FAM133B: variants seen among roughly 807,000 people sequenced by gnomAD.
FAM133B encodes protein FAM133B.
A neutral mutation model predicts 46.4 loss-of-function variants in FAM133B; 25 were observed. That is an observed-to-expected ratio of 0.54 (90% CI 0.39 to 0.75). The LOEUF is 0.75. Among genes scored for constraint, FAM133B ranks in the 30% least tolerant of loss-of-function variants. The probability of loss-of-function intolerance (pLI) is 0.00; values close to 1 mark genes in which losing one functional copy is unlikely to be tolerated. For synonymous variants in FAM133B, 75 were observed against 86.0 expected (o/e 0.87, Z 0.71); for missense variants, 205 against 277.6 (o/e 0.74, Z 1.86).
At chr7:92,582,760 G>A (rs927077022) in intron 1 of FAM133B, among the ~76,000 whole-genome samples, 2 of 152,150 alleles carry the variant, frequency 1.3e-5, no homozygotes, top group African/African-American at 4.8e-5. Context: ...TAGTCATTAG[G>A]GAAATGTAAA....
At chr7:92,581,744 TA>T in intron 1 of FAM133B, 141 bp from the exon 2 acceptor site, 2 of 626,602 alleles carry the variant, frequency 3.2e-6, no homozygotes, top group African/African-American at 1.9e-5. Flanking sequence ...CTCTTTATTC[TA>T]AAAAAATTAA....
At chr7:92,563,955 G>A (rs7777329) in intron 10 of FAM133B, among the ~76,000 whole-genome samples, 38 of 152,272 alleles carry the variant, frequency 2.5e-4, no homozygotes, top group African/African-American at 8.9e-4. Flanking sequence ...CTTATCTCCT[G>A]TACCAAAGGA....
chr7:92,584,319 T>G (rs181645836), intron 1 of FAM133B, among the ~76,000 whole-genome samples: 2 of 152,190 alleles, frequency 1.3e-5, no homozygotes, highest in East Asian at 3.9e-4. Context: ...TAATCCAAAA[T>G]AAGTGAAAGG....
intron 1 of FAM133B, chr7:92,585,387 T>G (rs569221198): frequency 1.6e-4 from 153 of 984,608 alleles, no homozygotes; most frequent in Non-Finnish European, 1.8e-4. Context: ...TGTCATAATT[T>G]TGGCAGTACC....
chr7:92,562,616 T>C (rs1794194262), intron 10 of FAM133B, among the ~76,000 whole-genome samples: 1 of 152,210 alleles, frequency 6.6e-6, no homozygotes, highest in South Asian at 2.1e-4. Flanking sequence ...CTAACAAAAT[T>C]TCCTGTAGGA....
chr7:92,578,900 T>A (rs1023506596), intron 3 of FAM133B, among the ~76,000 whole-genome samples: 84 of 151,780 alleles, frequency 5.5e-4, no homozygotes, highest in African/African-American at 1.8e-3. Context: ...AAAAAAAAAA[T>A]TAGCTGGGCA....
intron 10 of FAM133B, among the ~76,000 whole-genome samples, chr7:92,564,055 G>C (rs764613815): frequency 1.3e-5 from 2 of 152,180 alleles, no homozygotes; most frequent in Non-Finnish European, 2.9e-5. Context: ...ACACTCTGCT[G>C]TGTAATGTAA....
Position 92,577,664 on chromosome 7 carries a change from A to T in FAM133B, c.363T>A (p.Ser121=). The T allele has an allele frequency of 6.3e-7, 1 of 1,581,830 alleles. No individual in the cohort carries two copies. The highest frequency in any genetic ancestry group is 8.6e-7 in the Non-Finnish European group (1 of 1,162,530). ...SSDSSSSSSD[S]EDEDKKQGKR... is the part of the protein sequence containing the mutation. ...TATAAGCAAACCTTACCTCATCTTCAGAATCAGAAGAACTGCTGGAAGAAT... is the reference window on the plus strand; with the variant it reads ...TATAAGCAAACCTTACCTCATCTTCTGAATCAGAAGAACTGCTGGAAGAAT... Residue 121 remains serine (S), a synonymous_variant, in exon 6 of 11, where the codon TCT becomes TCA. Coordinates refer to ENST00000445716, the MANE Select transcript of FAM133B (RefSeq NM_152789.4).
intron 10 of FAM133B, among the ~76,000 whole-genome samples, chr7:92,564,604 G>A (rs978021580): frequency 6.6e-6 from 1 of 152,160 alleles, no homozygotes; most frequent in Admixed American, 6.5e-5. Flanking sequence ...ATCATTACTA[G>A]GGGAGCCTTC....
At position 92,562,393 on chromosome 7, in the gene FAM133B, C is replaced by T. The variant is rs1794187608; in HGVS notation, c.658-25G>A. ...CCTGTAAAGATAATTCCATGTTAGA[C>T]ATTACTATATAAAAATACGCAAATT... On this transcript the variant is annotated intron_variant, in intron 10 of 10. Coordinates refer to ENST00000445716, the MANE Select transcript of FAM133B (RefSeq NM_152789.4). The T allele has an allele frequency of 2.0e-6, 3 of 1,519,680 alleles. No homozygotes were observed. The African/African-American group carries it at 4.2e-5, about 21-fold the overall frequency. 94.1% of individuals were successfully genotyped at this position (1,519,680 alleles called of 1,614,324 possible).
chr7:92,570,197 T>C (rs1188589780), intron 8 of FAM133B, among the ~76,000 whole-genome samples: 1 of 152,158 alleles, frequency 6.6e-6, no homozygotes. Flanking sequence ...AATATGCAGA[T>C]AATGTAAGAT....
intron 4 of FAM133B, 41 bp from the exon 5 acceptor site, chr7:92,578,223 G>A (rs1585309363): frequency 6.2e-7 from 1 of 1,607,882 alleles, no homozygotes; most frequent in Non-Finnish European, 8.5e-7. Flanking sequence ...AAGCTGATGT[G>A]AGTTTGCAAA....
intron 9 of FAM133B, among the ~76,000 whole-genome samples, chr7:92,569,065 A>C (rs1463044951): frequency 2.0e-5 from 3 of 152,180 alleles, no homozygotes; most frequent in African/African-American, 4.8e-5. Context: ...ATACAGGAGG[A>C]GGCTAATACG....
At chr7:92,574,805 T>C (rs1419663369) in intron 8 of FAM133B, among the ~76,000 whole-genome samples, 1 of 150,742 alleles carries the variant, frequency 6.6e-6, no homozygotes, top group Admixed American at 6.6e-5. Context: ...CTCGGGAGGC[T>C]GAGGCAGGAG....
chr7:92,562,343 T>C lies in FAM133B; in HGVS notation c.683A>G (p.His228Arg), dbSNP rs1207772511. The C allele has an allele frequency of 7.8e-6, 12 of 1,534,282 alleles. No homozygotes were observed. Among genetic ancestry groups the C allele is most frequent in the East Asian group, 7.3e-5 (3 of 40,824 alleles). Residue 228 changes from histidine (H) to arginine (R), a missense_variant, in exon 11 of 11, where the codon CAT becomes CGT. Coordinates refer to ENST00000445716, the MANE Select transcript of FAM133B (RefSeq NM_152789.4). ...ATEKTKKKKK[H>R]KKHSKKKKKK... ...TTTCTTCTTCTTACTGTGTTTCTTATGCTTCTTTTTCTTTTTTGTTTTTTC... is the reference window on the plus strand; with the variant it reads ...TTTCTTCTTCTTACTGTGTTTCTTACGCTTCTTTTTCTTTTTTGTTTTTTC...
At chr7:92,568,592 T>C (rs941237653) in intron 9 of FAM133B, among the ~76,000 whole-genome samples, 7 of 149,152 alleles carry the variant, frequency 4.7e-5, no homozygotes, top group African/African-American at 1.7e-4. Flanking sequence ...GGTCTGGAAC[T>C]CCTGATCTCA....
Position 92,579,412 on chromosome 7 carries a change from T to G in FAM133B, c.123-17A>C. On this transcript the variant is annotated splice_polypyrimidine_tract_variant and intron_variant, in intron 2 of 10. Coordinates refer to ENST00000445716, the MANE Select transcript of FAM133B (RefSeq NM_152789.4). The stretch of plus-strand genomic sequence containing the variant: ...ACTTCTTCCCTTAAAAAATAGAATG[T>G]ACAAACAAAATTTCAAGCAATTCAA... 6.4e-7 allele frequency: 1 copy of G among 1,565,642 alleles called. No homozygotes were observed. The highest frequency in any genetic ancestry group is 8.7e-7 in the Non-Finnish European group (1 of 1,152,044).
At chr7:92,578,463 C>A (rs958000802) in intron 3 of FAM133B, 70 bp from the exon 4 acceptor site, 1 of 1,308,758 alleles carries the variant, frequency 7.6e-7, no homozygotes, top group Admixed American at 1.9e-5. Flanking sequence ...ACAGAGACAG[C>A]CACTGCTTCC....
chr7:92,590,033 G>C, intron 1 of FAM133B: 1 of 604,602 alleles, frequency 1.7e-6, no homozygotes, highest in East Asian at 2.9e-5. Flanking sequence ...GCGCCAGAAA[G>C]AGCGACGAGG....
Sources: allele counts gnomAD v4.1 joint callset (sites outside exome capture counted in the v4.1 genomes callset), GRCh38; gene constraint gnomAD v4.1.1; transcripts MANE v1.5; gene names NCBI Gene and HGNC (gene_info 2026-07-23, HGNC 2026-07-21).